The following RBM33 variants were observed in gnomAD, a reference collection of about 807,000 sequenced individuals.
RBM33 encodes RNA binding motif protein 33, also known as RNA-binding protein 33.
A neutral mutation model predicts 132.6 loss-of-function variants in RBM33; 28 were observed. The observed-to-expected ratio is 0.21, with a 90% CI of 0.16 to 0.29. The LOEUF is 0.29. Ranked by LOEUF, RBM33 falls within the 10% of genes least tolerant of loss-of-function variation. RBM33 has a pLI of 1.00. For missense variants in RBM33, 1,291 were observed against 1,518.5 expected (o/e 0.85, Z 2.49); for synonymous variants, 634 against 593.0 (o/e 1.07, Z -1.01).
intron 9 of RBM33, among the ~76,000 whole-genome samples, chr7:155,729,059 G>A (rs1430105505): frequency 1.3e-5 from 2 of 152,184 alleles, no homozygotes; most frequent in African/African-American, 4.8e-5. Flanking sequence ...CCGCATGGCT[G>A]GAGAGGCCTC....
At chr7:155,716,332 T>TTTTTTTTTA (rs1554477955) in intron 8 of RBM33, among the ~76,000 whole-genome samples, 9 of 150,046 alleles carry the variant, frequency 6.0e-5, no homozygotes, top group Admixed American at 4.0e-4. Context: ...TTTTTTTTTT[T>TTTTTTTTTA]AAATAGGGAA....
rs1004434285 is a variant in RBM33 at position 155,777,392 on chromosome 7, A to C, written c.*2351A>C. 9.2e-5 allele frequency: 14 copies of C among 152,160 alleles called. No homozygotes were observed. The highest frequency in any genetic ancestry group is 3.1e-4 in the African/African-American group (13 of 41,422). 9.4% of individuals were successfully genotyped at this position (152,160 alleles called of 1,614,324 possible). ...GATTAGAACAGTCCAACACAGTCCG[A>C]CCTCACTCAATACCCACAACCATCG... On this transcript the variant is annotated 3_prime_UTR_variant, in exon 18 of 18. Transcript: ENST00000401878.
At chr7:155,673,348 G>A (rs948800218) in intron 3 of RBM33, among the ~76,000 whole-genome samples, 7 of 150,832 alleles carry the variant, frequency 4.6e-5, no homozygotes, top group African/African-American at 1.7e-4. Flanking sequence ...CCTAATGTAG[G>A]TTTTTCTAAA....
At chr7:155,725,010 G>T (rs958731751) in intron 9 of RBM33, among the ~76,000 whole-genome samples, 23 of 148,422 alleles carry the variant, frequency 1.5e-4, no homozygotes, top group African/African-American at 5.7e-4. Context: ...GTGTGTGTGT[G>T]TGTGTGTGTG....
chr7:155,709,396 G>A (rs1343819500), intron 7 of RBM33, among the ~76,000 whole-genome samples: 2 of 152,024 alleles, frequency 1.3e-5, no homozygotes, highest in African/African-American at 4.8e-5. Flanking sequence ...TTTTTCTTCA[G>A]GTTTTGTTCT....
chr7:155,741,545 C>T (rs959510687), intron 12 of RBM33, among the ~76,000 whole-genome samples: 25 of 152,100 alleles, frequency 1.6e-4, no homozygotes, highest in African/African-American at 5.8e-4. Context: ...AAAGATCAGC[C>T]TGGTGTAATT....
intron 5 of RBM33, among the ~76,000 whole-genome samples, chr7:155,691,816 G>A (rs1198033824): frequency 1.3e-5 from 2 of 152,110 alleles, no homozygotes; most frequent in African/African-American, 2.4e-5. Flanking sequence ...AGCACTTTGG[G>A]AGGCCTAGGT....
Position 155,644,801 on chromosome 7 carries a change from C to A in RBM33, c.-76C>A. The A allele has an allele frequency of 1.6e-6, 2 of 1,264,714 alleles. No homozygotes were observed. Among genetic ancestry groups the A allele is most frequent in the Non-Finnish European group, 2.1e-6 (2 of 957,894 alleles). The allele number at this position is 1,264,714 out of a possible 1,614,324, so 78.3% of individuals were successfully genotyped here. A position where few individuals can be genotyped will look rare whatever the true frequency, so the allele number is the denominator to read the frequency against. On this transcript the variant is annotated 5_prime_UTR_variant, in exon 1 of 18. Coordinates refer to ENST00000401878, the MANE Select transcript of RBM33 (RefSeq NM_053043.3). ...CCTTCTCTGTCCTCCGTCACCCGTA[C>A]CCGGGCCCGGACCAGGCACGTCGGC...
chr7:155,665,422 A>G (rs563847486), intron 2 of RBM33, among the ~76,000 whole-genome samples, 169 bp downstream of exon 2: 1 of 152,298 alleles, frequency 6.6e-6, no homozygotes, highest in East Asian at 1.9e-4. Context: ...CAGAAGGCTG[A>G]GGTGTGCTCC....
Position 155,673,084 on chromosome 7 carries a change from A to G in RBM33, c.171+169A>G, listed in dbSNP as rs1260180806. On this transcript the variant is annotated intron_variant, in intron 3 of 17. Coordinates refer to ENST00000401878, the MANE Select transcript of RBM33 (RefSeq NM_053043.3). ...CGCAGGGAATTGACTGTTTATTAGT[A>G]AATTCTCTGGTAATTATAACTCAAG... 2.0e-5 allele frequency among the ~76,000 whole-genome samples: 3 copies of G among 152,182 alleles called. No individual in the cohort carries two copies. The South Asian group carries it at 6.2e-4, about 32-fold the overall frequency.
At chr7:155,653,994 T>C (rs1360334763) in intron 1 of RBM33, among the ~76,000 whole-genome samples, 2 of 152,208 alleles carry the variant, frequency 1.3e-5, no homozygotes, top group African/African-American at 2.4e-5. Flanking sequence ...GAGTTGTTGG[T>C]ATTGCAGTAT....
At position 155,711,326 on chromosome 7, in the gene RBM33, G is replaced by A. The variant is rs1384935020; in HGVS notation, c.1072G>A (p.Gly358Arg). The A allele has an allele frequency of 1.2e-6, 2 of 1,605,104 alleles. No homozygotes were observed. The highest frequency in any genetic ancestry group is 1.7e-6 in the Non-Finnish European group (2 of 1,176,184). ...CCCGCACCACCCATCCCCGCCTCAG[G>A]GAATGCACATGCCTCCCCAGCTAGA... Reference protein sequence around the residue: ...QHPHHPSPPQGMHMPPQLETP... With the variant: ...QHPHHPSPPQRMHMPPQLETP... The change falls in exon 8 of 18, where the codon GGA becomes AGA. Residue 358 changes from glycine (G) to arginine (R), a missense_variant. Physicochemically the swap from Gly to Arg is moderately radical, Grantham distance 125. Around this residue, in one of 7 missense-constraint regions of RBM33, gnomAD observed 146 missense variants for 137.1 expected, o/e 1.07. Coordinates refer to ENST00000401878, the MANE Select transcript of RBM33 (RefSeq NM_053043.3).
At chr7:155,686,203 A>G (rs959283665) in intron 5 of RBM33, among the ~76,000 whole-genome samples, 2 of 152,274 alleles carry the variant, frequency 1.3e-5, no homozygotes, top group African/African-American at 4.8e-5. Flanking sequence ...TAAAGAAGAT[A>G]TTAAAAGTGT....
At position 155,694,251 on chromosome 7, in the gene RBM33, AT is replaced by A. The variant is rs1367572869; in HGVS notation, c.568-6519del. 2.0e-5 allele frequency among the ~76,000 whole-genome samples: 3 copies of A among 152,314 alleles called. No individual in the cohort carries two copies. The East Asian group carries it at 5.8e-4, about 29-fold the overall frequency. On this transcript the variant is annotated intron_variant, in intron 5 of 17. Coordinates refer to ENST00000401878, the MANE Select transcript of RBM33 (RefSeq NM_053043.3). ...TTGGTTCATATAGAGAAATCATTAT[AT>A]TTGAAACAAGTTAGATCTAATTATA...
At chr7:155,666,516 G>T (rs960139921) in intron 2 of RBM33, among the ~76,000 whole-genome samples, 5 of 152,194 alleles carry the variant, frequency 3.3e-5, no homozygotes, top group Non-Finnish European at 7.3e-5. Context: ...AAATCAGCCA[G>T]TATGCATTCT....
chr7:155,711,094 A>AT, intron 7 of RBM33, 109 bp from the exon 8 acceptor site: 1 of 1,371,164 alleles, frequency 7.3e-7, no homozygotes, highest in Non-Finnish European at 9.5e-7. Flanking sequence ...AAATGCAATC[A>AT]GTGTAAATTT....
intron 14 of RBM33, among the ~76,000 whole-genome samples, chr7:155,759,200 G>C (rs1254083813): frequency 6.6e-6 from 1 of 152,156 alleles, no homozygotes; most frequent in Non-Finnish European, 1.5e-5. Flanking sequence ...AAGGCTTTTT[G>C]TAATACCTGT....
chr7:155,754,400 C>T (rs1801780991), intron 14 of RBM33, among the ~76,000 whole-genome samples: 1 of 152,218 alleles, frequency 6.6e-6, no homozygotes, highest in Non-Finnish European at 1.5e-5. Context: ...TTTGGAGCCA[C>T]TCTTCCAGGG....
chr7:155,750,461 G>A (rs1801655669), intron 14 of RBM33, among the ~76,000 whole-genome samples: 2 of 152,196 alleles, frequency 1.3e-5, no homozygotes, highest in African/African-American at 4.8e-5. Context: ...TTTGCCTTAG[G>A]CGGTCAGTTT....
Sources: gnomAD v4.1 joint callset for allele counts (sites outside exome capture counted in the v4.1 genomes callset) on GRCh38, gnomAD v4.1.1 for gene constraint, gnomAD v4.1.1 regional missense constraint, MANE v1.5 for transcripts, NCBI Gene and HGNC (gene_info 2026-07-23, HGNC 2026-07-21) for gene names.